The following HTR1E variants were observed in gnomAD, a reference collection of about 807,000 sequenced individuals.
HTR1E encodes 5-HT-1E.
HTR1E carries 3 observed loss-of-function variants against 3.4 expected under a neutral mutation model. The observed-to-expected ratio is 0.89, with a 90% CI of 0.41 to 2.31. The LOEUF (loss-of-function observed/expected upper bound fraction) is 2.31, where lower values mean the gene tolerates loss of function less well. Ranked by LOEUF, HTR1E falls within the 30% of genes most tolerant of loss-of-function variation. The pLI is 0.05. For missense variants in HTR1E, 392 were observed against 467.0 expected (o/e 0.84, Z 1.48); for synonymous variants, 170 against 182.8 (o/e 0.93, Z 0.56).
chr6:86,995,334 A>C (rs1408295737), intron 1 of HTR1E, among the ~76,000 whole-genome samples: 1 of 150,234 alleles, frequency 6.7e-6, no homozygotes, highest in Non-Finnish European at 1.5e-5. Context: ...AAAGGTCTAC[A>C]TACGAATGAA....
intron 1 of HTR1E, among the ~76,000 whole-genome samples, chr6:86,989,017 A>G (rs1767836223): frequency 6.6e-6 from 1 of 152,318 alleles, no homozygotes; most frequent in Non-Finnish European, 1.5e-5. Flanking sequence ...AATCACTGAC[A>G]TTTTTATTGG....
chr6:87,008,970 C>G (rs377538286), intron 1 of HTR1E, among the ~76,000 whole-genome samples: 5 of 152,180 alleles, frequency 3.3e-5, no homozygotes, highest in African/African-American at 1.2e-4. Context: ...AATATATACC[C>G]CTGATAATGA....
intron 1 of HTR1E, among the ~76,000 whole-genome samples, chr6:86,947,071 G>A (rs1195579663): frequency 4.0e-5 from 6 of 151,886 alleles, no homozygotes; most frequent in Non-Finnish European, 2.9e-5. Context: ...AGCCGAGATC[G>A]CGCCATTGCA....
intron 1 of HTR1E, among the ~76,000 whole-genome samples, chr6:86,938,099 C>A (rs1441176025): frequency 6.6e-6 from 1 of 152,208 alleles, no homozygotes; most frequent in Non-Finnish European, 1.5e-5. Context: ...AGCATTTCAT[C>A]CTGCTTCCTT....
rs867401679 is a variant in HTR1E, at chr6:87,016,400, A to T, written c.1066A>T (p.Lys356Ter). 6.2e-7 allele frequency: 1 copy of T among 1,605,298 alleles called. No individual in the cohort carries two copies. Among genetic ancestry groups the T allele is most frequent in the Non-Finnish European group, 8.5e-7 (1 of 1,173,380 alleles). ...SFNEDFKLAF[K>*]KLIRCREHT is the part of the protein sequence containing the mutation. ...TAATGAAGACTTTAAGCTGGCTTTT[A>T]AAAAGCTCATTAGATGCCGAGAGCA... The change falls in exon 2 of 2, where the codon AAA becomes TAA. Residue 356 changes from lysine to a stop codon, truncating the protein, a stop_gained. Coordinates refer to ENST00000305344, the MANE Select transcript of HTR1E (RefSeq NM_000865.3). LOFTEE classifies it high-confidence loss of function.
At chr6:87,007,553 T>C (rs187172777) in intron 1 of HTR1E, among the ~76,000 whole-genome samples, 10 of 152,344 alleles carry the variant, frequency 6.6e-5, no homozygotes, top group African/African-American at 2.2e-4. Flanking sequence ...TGATGATTAC[T>C]TGTTGTATGC....
intron 1 of HTR1E, among the ~76,000 whole-genome samples, chr6:86,938,479 G>A (rs1052215723): frequency 2.0e-5 from 3 of 152,084 alleles, no homozygotes; most frequent in Non-Finnish European, 2.9e-5. Context: ...CCTACCTAAC[G>A]AAAAGGAAAG....
At chr6:86,943,631 A>G (rs1047881335) in intron 1 of HTR1E, among the ~76,000 whole-genome samples, 3 of 152,188 alleles carry the variant, frequency 2.0e-5, no homozygotes, top group African/African-American at 7.2e-5. Flanking sequence ...GTAACACAGC[A>G]TGGGGCTCAA....
chr6:86,956,750 C>T (rs543341368), intron 1 of HTR1E, among the ~76,000 whole-genome samples: 22 of 152,116 alleles, frequency 1.4e-4, no homozygotes, highest in Non-Finnish European at 2.6e-4. Flanking sequence ...AAAATAAAAA[C>T]CTGATTTTCT....
chr6:86,942,580 TAATTC>T (rs976370194), intron 1 of HTR1E, among the ~76,000 whole-genome samples: 5 of 152,250 alleles, frequency 3.3e-5, no homozygotes, highest in African/African-American at 9.6e-5. Context: ...CTTCTGAACC[TAATTC>T]AATTCCTTAC....
chr6:86,989,586 C>T (rs1177107505), intron 1 of HTR1E, among the ~76,000 whole-genome samples: 1 of 152,076 alleles, frequency 6.6e-6, no homozygotes, highest in Non-Finnish European at 1.5e-5. Flanking sequence ...GTTGAAAAAG[C>T]AGTAGTTTCT....
chr6:86,942,709 A>C (rs1768562550), intron 1 of HTR1E, among the ~76,000 whole-genome samples: 1 of 152,254 alleles, frequency 6.6e-6, no homozygotes, highest in Admixed American at 6.5e-5. Flanking sequence ...TAGATTGTAA[A>C]CTGGTAAAAC....
chr6:86,996,501 G>C (rs1241758508), intron 1 of HTR1E, among the ~76,000 whole-genome samples: 1 of 151,812 alleles, frequency 6.6e-6, no homozygotes, highest in Non-Finnish European at 1.5e-5. Context: ...TTGTTATTTT[G>C]TTATCAAATT....
chr6:87,000,525 A>G (rs1768005706), intron 1 of HTR1E, among the ~76,000 whole-genome samples: 1 of 152,152 alleles, frequency 6.6e-6, no homozygotes, highest in Admixed American at 6.5e-5. Flanking sequence ...ACAACAAACA[A>G]TGGAGCTCCA....
chr6:87,003,121 T>C (rs568223690), intron 1 of HTR1E, among the ~76,000 whole-genome samples: 149 of 152,304 alleles, frequency 9.8e-4, no homozygotes, highest in Non-Finnish European at 1.8e-3. Flanking sequence ...TGATATCAAA[T>C]ATCTTCTCTG....
chr6:86,958,849 T>A (rs1380124961), intron 1 of HTR1E, among the ~76,000 whole-genome samples: 1 of 152,076 alleles, frequency 6.6e-6, no homozygotes, highest in African/African-American at 2.4e-5. Flanking sequence ...GAACAGGAAG[T>A]GTCTACCAAC....
chr6:86,959,185 T>C (rs1187453213), intron 1 of HTR1E, among the ~76,000 whole-genome samples: 2 of 152,100 alleles, frequency 1.3e-5, no homozygotes, highest in Admixed American at 1.3e-4. Flanking sequence ...CTTCAACTGA[T>C]TGGATGAGGC....
chr6:86,995,020 T>C (rs1431900652), intron 1 of HTR1E, among the ~76,000 whole-genome samples: 2 of 151,954 alleles, frequency 1.3e-5, no homozygotes, highest in Non-Finnish European at 2.9e-5. Flanking sequence ...TGAATTCCCT[T>C]TAAAATGTCC....
chr6:87,010,287 G>A lies in HTR1E; in HGVS notation c.-185-4863G>A, dbSNP rs1198626787. Among the ~76,000 whole-genome samples, 212 of 88,934 alleles carry A rather than the reference G, an allele frequency of 2.4e-3. 5 individuals carry two copies. The highest frequency in any genetic ancestry group is 4.0e-3 in the Non-Finnish European group (187 of 46,558). The allele number at this position is 88,934 out of a possible 152,430, so 58.3% of individuals were successfully genotyped here. On this transcript the variant is annotated intron_variant, in intron 1 of 1. Coordinates refer to ENST00000305344, the MANE Select transcript of HTR1E (RefSeq NM_000865.3). ...CGGGCAGAGGTGCCCCTCACCTCCC[G>A]GACGGGGCGGCTGGCCGGGCGGGGG...
Sources: allele counts gnomAD v4.1 joint callset (sites outside exome capture counted in the v4.1 genomes callset), GRCh38; gene constraint gnomAD v4.1.1; transcripts MANE v1.5; gene names NCBI Gene and HGNC (gene_info 2026-07-23, HGNC 2026-07-21).